NOS3: variants seen among roughly 807,000 people sequenced by gnomAD.
The protein encoded by NOS3 is nitric oxide synthase 3.
NOS3 carries 98 observed loss-of-function variants against 144.9 expected under a neutral mutation model. That is an observed-to-expected ratio of 0.68 (90% CI 0.57 to 0.80). NOS3 has a LOEUF of 0.80. NOS3 is among the 30% of genes least tolerant of loss of function. The pLI is 0.00. For missense variants in NOS3, 1,465 were observed against 1,656.4 expected (o/e 0.88, Z 2.01); for synonymous variants, 714 against 702.4 (o/e 1.02, Z -0.26).
At chr7:151,008,036 T>C (rs1244134658) in intron 17 of NOS3, among the ~76,000 whole-genome samples, 1 of 151,978 alleles carries the variant, frequency 6.6e-6, no homozygotes, top group Non-Finnish European at 1.5e-5. Context: ...TAGGCCCTGA[T>C]TGGGAAGAAG....
Position 151,014,274 on chromosome 7 carries a change from C to A in NOS3, c.*105C>A. On this transcript the variant is annotated 3_prime_UTR_variant, in exon 27 of 27. Transcript: ENST00000297494. ...CTCCCCTCTTGAGGTGGTGCCTTCT[C>A]ACATCTGTCCAGAGGCTGCAAGGAT... The A allele has an allele frequency of 8.7e-7, 1 of 1,150,974 alleles. No individual in the cohort carries two copies. The highest frequency in any genetic ancestry group is 1.5e-5 in the South Asian group (1 of 65,630). The allele number at this position is 1,150,974 out of a possible 1,614,324, so 71.3% of individuals were successfully genotyped here. A position where few individuals can be genotyped will look rare whatever the true frequency, so the allele number is the denominator to read the frequency against.
At chr7:150,995,177 A>G (rs762226382) in intron 2 of NOS3, 26 bp from the exon 3 acceptor site, 5 of 1,353,946 alleles carry the variant, frequency 3.7e-6, no homozygotes, top group Admixed American at 3.5e-5. Context: ...ACCCTTCCTG[A>G]TGACCCTATC....
At chr7:151,010,312 C>T (rs1795277051) in intron 21 of NOS3, 25 bp downstream of exon 21, 4 of 1,603,466 alleles carry the variant, frequency 2.5e-6, no homozygotes, top group Non-Finnish European at 3.4e-6. Context: ...CAATGAGGCA[C>T]AGGGGCTAGA....
At chr7:151,007,071 G>A in intron 16 of NOS3, 31 bp from the exon 17 acceptor site, 1 of 1,614,082 alleles carries the variant, frequency 6.2e-7, no homozygotes, top group Non-Finnish European at 8.5e-7. Flanking sequence ...GGCCTGCAAA[G>A]GGAGCTCCAC....
At position 151,001,564 on chromosome 7, in the gene NOS3, T is replaced by G. The variant is rs1795098133; in HGVS notation, c.1449T>G (p.Ser483Arg). The G allele has an allele frequency of 1.2e-6, 2 of 1,613,438 alleles. No individual in the cohort carries two copies. The highest frequency in any genetic ancestry group is 1.7e-6 in the Non-Finnish European group (2 of 1,179,928). The stretch of plus-strand genomic sequence containing the variant: ...TGCAGCCAGACCCCTGGAAGGGGAG[T>G]GCCGCCAAGGGCACCGGCATCACCA... ...FRYQPDPWKGSAAKGTGITRK... is the reference protein window; with the variant it reads ...FRYQPDPWKGRAAKGTGITRK... The change falls in exon 12 of 27, where the codon AGT becomes AGG. Residue 483 changes from serine to arginine, a missense_variant. Transcript: ENST00000297494.
In NOS3 at chr7:151,009,446, G is replaced by A. The variant is rs1795259313; in HGVS notation, c.2373G>A (p.Leu791=). ...VRLDTGGQEG[L]QYQPGDHIGV... is the part of the protein sequence containing the mutation. ...TGGACACCGGAGGCCAGGAGGGGCT[G>A]CAGTACCAGCCGGGGGACCACATAG... Residue 791 remains leucine (L), a synonymous_variant, in exon 20 of 27, where the codon CTG becomes CTA. Transcript: ENST00000297494. 6.5e-7 allele frequency: 1 copy of A among 1,548,762 alleles called. No homozygotes were observed. The highest frequency in any genetic ancestry group is 8.7e-7 in the Non-Finnish European group (1 of 1,146,576).
Position 151,003,311 on chromosome 7 carries a change from A to C in NOS3, c.1752+1007A>C, listed in dbSNP as rs771707853. ...TAGCTAATTTTTGTATTTTTTATAG[A>C]GATGGGGTTTCGCCATGTTGCCCAG... On this transcript the variant is annotated intron_variant, in intron 14 of 26. Transcript: ENST00000297494. This position sits in a 1 kb window ranked among gnomAD's most constrained non-coding sequence, Gnocchi z 4.1. 6 of 583,130 alleles carry C rather than the reference A, an allele frequency of 1.0e-5. No individual in the cohort carries two copies. The highest frequency in any genetic ancestry group is 9.1e-5 in the South Asian group (6 of 65,734). 36.1% of individuals were successfully genotyped at this position (583,130 alleles called of 1,614,324 possible). A position where few individuals can be genotyped will look rare whatever the true frequency, so the allele number is the denominator to read the frequency against.
rs1180017091 is a variant in NOS3 at position 151,013,716 on chromosome 7, C to T, written c.3256-8C>T. 1 of 1,588,700 alleles carries T rather than the reference C, an allele frequency of 6.3e-7. No individual in the cohort carries two copies. The highest frequency in any genetic ancestry group is 8.6e-7 in the Non-Finnish European group (1 of 1,168,710). On this transcript the variant is annotated splice_region_variant and splice_polypyrimidine_tract_variant and intron_variant, in intron 25 of 26. Transcript: ENST00000297494. ...ACCAGGGCCCGCCCTAACCCCGCCGCCCCGCAGACCTACGTGCAGGACATC... is the reference window on the plus strand; with the variant it reads ...ACCAGGGCCCGCCCTAACCCCGCCGTCCCGCAGACCTACGTGCAGGACATC...
intron 15 of NOS3, 42 bp downstream of exon 15, chr7:151,006,536 C>T (rs752052097): frequency 7.4e-6 from 11 of 1,491,404 alleles, no homozygotes; most frequent in Non-Finnish European, 1.0e-5. Flanking sequence ...GGAGCTGATG[C>T]ATTTGGAGAC....
At chr7:151,008,894 C>T (rs1563228852) in intron 17 of NOS3, 36 bp from the exon 18 acceptor site, 20 of 1,572,198 alleles carry the variant, frequency 1.3e-5, no homozygotes, top group Non-Finnish European at 1.7e-5. Flanking sequence ...CCCCTGGTGG[C>T]GGGAGGTCCT....
In NOS3 at chr7:151,014,176, C is replaced by T; in HGVS notation, c.*7C>T. 1 of 1,592,642 alleles carries T rather than the reference C, an allele frequency of 6.3e-7. No individual in the cohort carries two copies. The highest frequency in any genetic ancestry group is 8.6e-7 in the Non-Finnish European group (1 of 1,166,018). Reference sequence around the variant, plus strand: ...AGACACCAACAGCCCCTGAGAGCCGCCTGGCTTTCCCTTCCAGTTCCGGGA... The same window carrying T: ...AGACACCAACAGCCCCTGAGAGCCGTCTGGCTTTCCCTTCCAGTTCCGGGA... On this transcript the variant is annotated 3_prime_UTR_variant, in exon 27 of 27. Transcript: ENST00000297494.
At chr7:151,001,759 C>G (rs966677627) in intron 12 of NOS3, 62 bp from the exon 13 acceptor site, 3 of 1,607,104 alleles carry the variant, frequency 1.9e-6, no homozygotes, top group Non-Finnish European at 2.6e-6. Context: ...GGGTTGGACC[C>G]TTGCCTGGGG....
rs1372170264 is a variant in NOS3 at position 151,003,170 on chromosome 7, G to A, written c.1752+866G>A. 4.4e-6 allele frequency: 2 copies of A among 453,346 alleles called. No individual in the cohort carries two copies. The highest frequency in any genetic ancestry group is 7.0e-5 in the East Asian group (1 of 14,380). 28.1% of individuals were successfully genotyped at this position (453,346 alleles called of 1,614,324 possible). A position where few individuals can be genotyped will look rare whatever the true frequency, so the allele number is the denominator to read the frequency against. ...AGACAGGGTCTCACTTTGTGGCCCA[G>A]GCTGGAGTGCAGTAGTACAATCACG... On this transcript the variant is annotated intron_variant, in intron 14 of 26. Coordinates refer to ENST00000297494, the MANE Select transcript of NOS3 (RefSeq NM_000603.5). The surrounding 1 kb of genome is among the most constrained non-coding windows in gnomAD (Gnocchi z 4.1).
Position 151,001,236 on chromosome 7 carries a change from C to G in NOS3, c.1239C>G (p.Ala413=), listed in dbSNP as rs748653076. 7 of 1,613,022 alleles carry G rather than the reference C, an allele frequency of 4.3e-6. No homozygotes were observed. Among genetic ancestry groups the G allele is most frequent in the Non-Finnish European group, 5.1e-6 (6 of 1,179,950 alleles). Residue 413 remains alanine (A), a synonymous_variant, in exon 11 of 27, where the codon GCC becomes GCG. Transcript: ENST00000297494. The part of the protein sequence containing the change: ...NVAVLHSYQL[A]KVTIVDHHAA... ...CCCCTCTCTCTCCCTTCCAGCTAGC[C>G]AAAGTCACCATCGTGGACCACCACG... is the stretch of plus-strand genomic sequence containing the variant.
rs1250453781 is a variant in NOS3, at chr7:151,013,931, G to A, written c.3450+13G>A. ...CGGCGTGCTGCGGGTGCGGAGGGGC[G>A]GGCCGGGCCTGAGCGTGCGGGGTTC... On this transcript the variant is annotated intron_variant, in intron 26 of 26. Transcript: ENST00000297494. The A allele has an allele frequency of 2.5e-6, 4 of 1,598,448 alleles. No homozygotes were observed. Among genetic ancestry groups the A allele is most frequent in the South Asian group, 1.1e-5 (1 of 89,440 alleles).
At chr7:151,000,392 C>T (rs1186034716) in intron 9 of NOS3, 106 bp from the exon 10 acceptor site, 4 of 762,950 alleles carry the variant, frequency 5.2e-6, no homozygotes, top group South Asian at 1.6e-5. Context: ...ATGGACACCA[C>T]TCACCTCACT....
rs917864089 is a variant in NOS3, at chr7:150,998,793, G to A, written c.816+113G>A. 1 of 1,473,560 alleles carries A rather than the reference G, an allele frequency of 6.8e-7. No homozygotes were observed. Among genetic ancestry groups the A allele is most frequent in the Non-Finnish European group, 9.1e-7 (1 of 1,093,124 alleles). The allele number at this position is 1,473,560 out of a possible 1,614,324, so 91.3% of individuals were successfully genotyped here. ...AGAGGGGAGCCTCGGTGAGATAAAG[G>A]ATGAAAAACACCAAAGGAGGGGTGC... On this transcript the variant is annotated intron_variant, in intron 7 of 26. Coordinates refer to ENST00000297494, the MANE Select transcript of NOS3 (RefSeq NM_000603.5). The surrounding 1 kb of genome is among the most constrained non-coding windows in gnomAD (Gnocchi z 5.0).
intron 9 of NOS3, 61 bp from the exon 10 acceptor site, chr7:151,000,437 C>A (rs576331177): frequency 8.5e-6 from 9 of 1,056,778 alleles, no homozygotes; most frequent in Non-Finnish European, 5.9e-6. Context: ...GAGATAGTCT[C>A]CCCACCCCAC....
At position 151,009,396 on chromosome 7, in the gene NOS3, AG is replaced by A; in HGVS notation, c.2325del. The A allele has an allele frequency of 9.0e-7, 1 of 1,107,804 alleles. No homozygotes were observed. The highest frequency in any genetic ancestry group is 1.1e-6 in the Non-Finnish European group (1 of 891,372). The allele number at this position is 1,107,804 out of a possible 1,614,324, so 68.6% of individuals were successfully genotyped here. A position where few individuals can be genotyped will look rare whatever the true frequency, so the allele number is the denominator to read the frequency against. On this transcript the variant is annotated splice_acceptor_variant, in intron 19 of 26. Coordinates refer to ENST00000297494, the MANE Select transcript of NOS3 (RefSeq NM_000603.5). LOFTEE classifies it high-confidence loss of function. ...CATAAGTGCCCCTCTCCCCACCCCC[AG>A]GAGGGCCACCATCCTGGTGCGCCTG...
Sources: allele counts gnomAD v4.1 joint callset (sites outside exome capture counted in the v4.1 genomes callset), GRCh38; gene constraint gnomAD v4.1.1; non-coding constraint Gnocchi (gnomAD v3.1); transcripts MANE v1.5; gene names NCBI Gene and HGNC (gene_info 2026-07-23, HGNC 2026-07-21).